The following RBBP8NL variants were observed in gnomAD, a reference collection of about 807,000 sequenced individuals.
RBBP8NL encodes RBBP8 N-terminal like, also known as RBBP8 N-terminal-like protein.
A neutral mutation model predicts 62.2 loss-of-function variants in RBBP8NL; 59 were observed. That is an observed-to-expected ratio of 0.95 (90% confidence interval 0.77 to 1.18). The LOEUF (loss-of-function observed/expected upper bound fraction) is 1.18, where lower values mean the gene tolerates loss of function less well. Ranked by LOEUF, RBBP8NL falls within the 50% of genes most tolerant of loss-of-function variation. The pLI is 0.00. For missense variants in RBBP8NL, 896 were observed against 899.5 expected (o/e 1.00, Z 0.05); for synonymous variants, 412 against 394.1 (o/e 1.05, Z -0.54).
At chr20:62,417,498 T>TG (rs1264521797) in intron 3 of RBBP8NL, among the ~76,000 whole-genome samples, 179 bp from the exon 4 acceptor site, 2 of 131,154 alleles carry the variant, frequency 1.5e-5, no homozygotes, top group African/African-American at 7.6e-5. Flanking sequence ...GTCTGTCCCG[T>TG]CCACGCAGCC....
At chr20:62,416,914 A>C in intron 4 of RBBP8NL, 42 bp from the exon 5 acceptor site, 3 of 1,445,086 alleles carry the variant, frequency 2.1e-6, no homozygotes, top group Middle Eastern at 2.2e-4. Flanking sequence ...GATGGCACGG[A>C]AGCCACAGAG....
intron 9 of RBBP8NL, among the ~76,000 whole-genome samples, chr20:62,414,776 G>A (rs1988523823): frequency 6.6e-6 from 1 of 152,238 alleles, no homozygotes; most frequent in African/African-American, 2.4e-5. Flanking sequence ...GCCAGAGGTG[G>A]CCTGTGGTCT....
intron 10 of RBBP8NL, 67 bp from the exon 11 acceptor site, chr20:62,413,612 G>C: frequency 6.7e-7 from 1 of 1,488,216 alleles, no homozygotes; most frequent in South Asian, 1.4e-5. Flanking sequence ...CTCAGCCCTG[G>C]ACAGCCGGTG....
intron 1 of RBBP8NL, among the ~76,000 whole-genome samples, chr20:62,422,655 C>CGGGGA (rs1988732166): frequency 8.8e-6 from 1 of 113,670 alleles, no homozygotes; most frequent in Non-Finnish European, 1.9e-5. Flanking sequence ...GGGATGGGGA[C>CGGGGA]CGGGGTGGGG....
chr20:62,417,430 T>C, intron 3 of RBBP8NL, 111 bp from the exon 4 acceptor site: 1 of 807,586 alleles, frequency 1.2e-6, no homozygotes, highest in East Asian at 2.7e-5. Context: ...AGCCTTGGTC[T>C]GGGGGCAACG....
Position 62,415,205 on chromosome 20 carries a change from C to A in RBBP8NL, c.710G>T (p.Gly237Val). The change falls in exon 9 of 14, where the codon GGC (glycine) becomes GTC (valine). Residue 237 changes from glycine to valine, a missense_variant. Gly to Val is a moderately radical substitution (Grantham distance 109). Coordinates refer to ENST00000252998, the MANE Select transcript of RBBP8NL (RefSeq NM_080833.3). Reference sequence around the variant, plus strand: ...TGGTGGGGGCGTCCCATTGGCGGGGCCTCGGTCGGCAGGGCAAGCCTGGGA... The same window carrying A: ...TGGTGGGGGCGTCCCATTGGCGGGGACTCGGTCGGCAGGGCAAGCCTGGGA... ...PGSQACPADR[G>V]PANGTPPPLP... 1 of 1,517,442 alleles carries A rather than the reference C, an allele frequency of 6.6e-7. No individual in the cohort carries two copies. 94.0% of individuals were successfully genotyped at this position (1,517,442 alleles called of 1,614,324 possible). A position where few individuals can be genotyped will look rare whatever the true frequency, so the allele number is the denominator to read the frequency against.
At chr20:62,411,126 A>G in intron 13 of RBBP8NL, 130 bp from the exon 14 acceptor site, 1 of 675,424 alleles carries the variant, frequency 1.5e-6, no homozygotes, top group Non-Finnish European at 2.6e-6. Context: ...TTTGCTGGCC[A>G]CCCTTGTTCC....
chr20:62,413,696 T>C, intron 10 of RBBP8NL, 125 bp downstream of exon 10: 2 of 1,423,654 alleles, frequency 1.4e-6, no homozygotes, highest in Non-Finnish European at 1.9e-6. Flanking sequence ...CAGCCTCGCT[T>C]TCTCCCTGGG....
intron 3 of RBBP8NL, among the ~76,000 whole-genome samples, chr20:62,418,045 C>T (rs1379558194): frequency 1.3e-5 from 2 of 152,182 alleles, no homozygotes; most frequent in East Asian, 3.8e-4. Context: ...ACTTTAGTGC[C>T]ACAGCACAGG....
intron 12 of RBBP8NL, 31 bp downstream of exon 12, chr20:62,412,799 C>A (rs770940779): frequency 6.2e-7 from 1 of 1,613,246 alleles, no homozygotes; most frequent in Non-Finnish European, 8.5e-7. Flanking sequence ...CCTCCTGGCC[C>A]TGCCCTGCTG....
intron 13 of RBBP8NL, among the ~76,000 whole-genome samples, chr20:62,411,719 A>G (rs73143481): frequency 0.049 from 7,513 of 152,336 alleles, 298 homozygotes; most frequent in African/African-American, 0.1. Flanking sequence ...AGCCCCTGCC[A>G]GCGTCCCTGG....
chr20:62,425,237 C>T (rs1988781064), intron 1 of RBBP8NL, among the ~76,000 whole-genome samples: 1 of 152,208 alleles, frequency 6.6e-6, no homozygotes, highest in African/African-American at 2.4e-5. Context: ...GCGCCTCCCT[C>T]ATGTGGGACC....
chr20:62,424,344 C>G (rs944060050), intron 1 of RBBP8NL, among the ~76,000 whole-genome samples: 4 of 152,076 alleles, frequency 2.6e-5, no homozygotes, highest in Admixed American at 2.6e-4. Flanking sequence ...CGACACCACT[C>G]TCACCCCACC....
chr20:62,418,061 C>T (rs1988620745), intron 3 of RBBP8NL, among the ~76,000 whole-genome samples: 1 of 152,256 alleles, frequency 6.6e-6, no homozygotes, highest in African/African-American at 2.4e-5. Flanking sequence ...ACAGGCAGGA[C>T]CATAGCCGGG....
chr20:62,416,172 C>T lies in RBBP8NL; in HGVS notation c.378G>A (p.Arg126=). ...GACCCTTTCCCACTCACCCCAGGCC[C>T]CGAAGCCGCTTCACCTCCTCCTTCA... The part of the protein sequence containing the change: ...ETLKEEVKRL[R]GLGDRPKPRA... The change falls in exon 6 of 14, where the codon CGG becomes CGA. Residue 126 remains arginine (R), a synonymous_variant. Transcript: ENST00000252998. 1 of 1,612,558 alleles carries T rather than the reference C, an allele frequency of 6.2e-7. No homozygotes were observed. Among genetic ancestry groups the T allele is most frequent in the Non-Finnish European group, 8.5e-7 (1 of 1,179,606 alleles).
rs575553811 is a variant in RBBP8NL, at chr20:62,417,578, C to T, written c.105-259G>A. ...CGCAACGCCCCCCCAGTCATCTGCA[C>T]GCTCCTCTGTGACGTCTGTTCCGTC... On this transcript the variant is annotated intron_variant, in intron 3 of 13. Transcript: ENST00000252998. 8.3e-5 allele frequency among the ~76,000 whole-genome samples: 7 copies of T among 84,680 alleles called. No individual in the cohort carries two copies. The South Asian group carries it at 4.3e-3, about 52-fold the overall frequency. The allele number at this position is 84,680 out of a possible 152,430, so 55.6% of individuals were successfully genotyped here.
chr20:62,411,292 C>T (rs1171387595), intron 13 of RBBP8NL, among the ~76,000 whole-genome samples: 4 of 152,222 alleles, frequency 2.6e-5, no homozygotes, highest in Non-Finnish European at 4.4e-5. Flanking sequence ...GCCATACTGG[C>T]TGGCCTGACA....
Position 62,415,174 on chromosome 20 carries a change from G to C in RBBP8NL, c.741C>G (p.Pro247=). 1 of 1,522,816 alleles carries C rather than the reference G, an allele frequency of 6.6e-7. No individual in the cohort carries two copies. The highest frequency in any genetic ancestry group is 2.1e-5 in the Admixed American group (1 of 48,362). The allele number at this position is 1,522,816 out of a possible 1,614,324, so 94.3% of individuals were successfully genotyped here. ...CTGGGCTGGGTGGGCTGCTCCTGGC[G>C]GGCAGTGGTGGGGGCGTCCCATTGG... ...GPANGTPPPL[P]ARSSPPSPAY... is the part of the protein sequence containing the mutation. Residue 247 remains proline (P), a synonymous_variant, in exon 9 of 14, where the codon CCC becomes CCG. Coordinates refer to ENST00000252998, the MANE Select transcript of RBBP8NL (RefSeq NM_080833.3).
At chr20:62,416,567 G>A (rs1387102735) in intron 5 of RBBP8NL, among the ~76,000 whole-genome samples, 193 bp downstream of exon 5, 3 of 152,226 alleles carry the variant, frequency 2.0e-5, no homozygotes, top group African/African-American at 4.8e-5. Context: ...GGGAGGCTGT[G>A]TTGAGGGAGG....
Sources: allele counts gnomAD v4.1 joint callset (sites outside exome capture counted in the v4.1 genomes callset), GRCh38; gene constraint gnomAD v4.1.1; transcripts MANE v1.5; gene names NCBI Gene and HGNC (gene_info 2026-07-23, HGNC 2026-07-21).